UNK: variants seen among roughly 807,000 people sequenced by gnomAD.
UNK encodes unk zinc finger.
In UNK, 32 loss-of-function variants were observed where a neutral mutation model predicts 97.6. That is an observed-to-expected ratio of 0.33 (90% confidence interval 0.25 to 0.44). The LOEUF is 0.44. UNK is among the 20% of genes least tolerant of loss of function. UNK has a pLI of 1.00. For synonymous variants in UNK, 441 were observed against 461.2 expected, an observed-to-expected ratio of 0.96 and a Z score of 0.56; for missense variants, 771 against 1,098.4, an observed-to-expected ratio of 0.70 and a Z score of 4.21.
At chr17:75,813,631 G>A (rs1386230918) in intron 5 of UNK, 130 bp from the exon 6 acceptor site, 1 of 767,728 alleles carries the variant, frequency 1.3e-6, no homozygotes, top group Non-Finnish European at 2.1e-6. Flanking sequence ...GCACCAGCAA[G>A]GCCCTGACTC....
chr17:75,812,919 T>TC (rs1433718077), intron 4 of UNK, among the ~76,000 whole-genome samples, 159 bp from the exon 5 acceptor site: 3 of 152,224 alleles, frequency 2.0e-5, no homozygotes, highest in African/African-American at 7.2e-5. Context: ...CCTGGGGCTG[T>TC]CCCATGGCCT....
chr17:75,786,473 C>T, intron 1 of UNK, among the ~76,000 whole-genome samples: 1 of 152,186 alleles, frequency 6.6e-6, no homozygotes, highest in East Asian at 1.9e-4. Flanking sequence ...GAAAGGCTTT[C>T]TTATTTTGGA....
At position 75,818,614 on chromosome 17, in the gene UNK, G is replaced by A. The variant is rs2143812850; in HGVS notation, c.1372-28G>A. 1 of 1,565,442 alleles carries A rather than the reference G, an allele frequency of 6.4e-7. No homozygotes were observed. The highest frequency in any genetic ancestry group is 8.7e-7 in the Non-Finnish European group (1 of 1,152,654). The stretch of plus-strand genomic sequence containing the variant: ...GGCCTCCGTATGCAGGCCTACCATT[G>A]CTTCTCCTCTTCCCTCTCTCGTTGC... On this transcript the variant is annotated intron_variant, in intron 10 of 15. Transcript: ENST00000589666. The surrounding 1 kb of genome is among the most constrained non-coding windows in gnomAD (Gnocchi z 5.1).
In UNK at chr17:75,825,670, G is replaced by A. The variant is rs1455029330; in HGVS notation, c.*1253G>A. On this transcript the variant is annotated 3_prime_UTR_variant, in exon 16 of 16. Transcript: ENST00000589666. The surrounding 1 kb of genome is among the most constrained non-coding windows in gnomAD (Gnocchi z 4.4). ...AAGAGGGCTGAGAGGGTCTGGTCCT[G>A]GCCCAGGCTCCCCCTTGGGCTCAGC... 1 of 152,274 alleles carries A rather than the reference G, an allele frequency of 6.6e-6. No homozygotes were observed. The highest frequency in any genetic ancestry group is 1.5e-5 in the Non-Finnish European group (1 of 68,056). 9.4% of individuals were successfully genotyped at this position (152,274 alleles called of 1,614,324 possible).
Position 75,817,368 on chromosome 17 carries a change from T to C in UNK, c.1147T>C (p.Cys383Arg). ...NSSLGSPSNL[C>R]GSPPGSIRKP... ...CAGCCTAGGCAGCCCGTCTAACCTC[T>C]GCGGCTCCCCACCGGGCTCCATCAG... The change falls in exon 9 of 16, where the codon TGC (cysteine) becomes CGC (arginine). Residue 383 changes from cysteine to arginine, a missense_variant. Transcript: ENST00000589666. This position sits in a 1 kb window ranked among gnomAD's most constrained non-coding sequence, Gnocchi z 5.8. 1.2e-6 allele frequency: 2 copies of C among 1,609,312 alleles called. No individual in the cohort carries two copies. The highest frequency in any genetic ancestry group is 8.5e-7 in the Non-Finnish European group (1 of 1,177,476).
At position 75,810,415 on chromosome 17, in the gene UNK, G is replaced by A. The variant is rs567126689; in HGVS notation, c.314+446G>A. Among the ~76,000 whole-genome samples the A allele has an allele frequency of 1.7e-4, 26 of 150,764 alleles. No individual in the cohort carries two copies. The South Asian group carries it at 4.0e-3, about 23-fold the overall frequency. On this transcript the variant is annotated intron_variant, in intron 2 of 15. Transcript: ENST00000589666. The stretch of plus-strand genomic sequence containing the variant: ...GGGAGGTGCCACACCTGGGAGTGTC[G>A]CACTAATGACAGACATAGGGAGGTG...
chr17:75,784,922 G>A lies in UNK; in HGVS notation c.42G>A (p.Ser14=), dbSNP rs2061691631. 7.7e-6 allele frequency: 12 copies of A among 1,560,986 alleles called. No individual in the cohort carries two copies. In the East Asian group the frequency reaches 2.4e-4, roughly 31 times the overall value. The change falls in exon 1 of 16, where the codon TCG becomes TCA. Residue 14 remains serine, a synonymous_variant. Transcript: ENST00000589666. ...GPGPGGSAAS[S]APPAATAQVL... ...GGCCCGGCGGCTCCGCAGCTTCCTC[G>A]GCGCCCCCGGCCGCTACCGCTCAGG...
At chr17:75,788,496 C>CT (rs1567791883) in intron 1 of UNK, among the ~76,000 whole-genome samples, 1 of 151,592 alleles carries the variant, frequency 6.6e-6, no homozygotes, top group Non-Finnish European at 1.5e-5. Context: ...AATTTTTTAC[C>CT]TTTTTAAACT....
At chr17:75,804,251 C>T (rs2061889674) in intron 1 of UNK, among the ~76,000 whole-genome samples, 1 of 152,144 alleles carries the variant, frequency 6.6e-6, no homozygotes, top group African/African-American at 2.4e-5. Flanking sequence ...GTCAGGAGTT[C>T]AAGACCAGCC....
At chr17:75,821,931 T>C in intron 13 of UNK, 1 of 339,696 alleles carries the variant, frequency 2.9e-6, no homozygotes, top group Non-Finnish European at 5.8e-6. Context: ...ACAATTTGTG[T>C]GATTCTTGGT....
chr17:75,796,480 G>A lies in UNK; in HGVS notation c.104+11496G>A, dbSNP rs74606200. Reference sequence around the variant, plus strand: ...ACTGCAGGTGTTTACCACCATACCCGACTAATTTTTTATTTTTAAATTTGT... The same window carrying A: ...ACTGCAGGTGTTTACCACCATACCCAACTAATTTTTTATTTTTAAATTTGT... On this transcript the variant is annotated intron_variant, in intron 1 of 15. Transcript: ENST00000589666. Among the ~76,000 whole-genome samples the A allele has an allele frequency of 9.7e-3, 1,468 of 152,100 alleles. 12 individuals are homozygous for A. The highest frequency in any genetic ancestry group is 0.015 in the Non-Finnish European group (1,022 of 67,994).
intron 1 of UNK, among the ~76,000 whole-genome samples, chr17:75,803,392 A>G (rs532682807): frequency 6.6e-6 from 1 of 152,252 alleles, no homozygotes; most frequent in African/African-American, 2.4e-5. Flanking sequence ...ACAGAGCCAG[A>G]CATCATCAAA....
Position 75,818,225 on chromosome 17 carries a change from C to T in UNK, c.1371+57C>T. 1.3e-6 allele frequency: 2 copies of T among 1,593,386 alleles called. No homozygotes were observed. Among genetic ancestry groups the T allele is most frequent in the South Asian group, 1.1e-5 (1 of 90,090 alleles). ...TGCTGTGGACAGGAGTGGCCCAGAA[C>T]CCCAGGAGGCTTCGGGGAGTGGGAG... On this transcript the variant is annotated intron_variant, in intron 10 of 15. Transcript: ENST00000589666. This position sits in a 1 kb window ranked among gnomAD's most constrained non-coding sequence, Gnocchi z 5.1.
rs902165712 is a variant in UNK at position 75,825,521 on chromosome 17, T to A, written c.*1104T>A. The A allele has an allele frequency of 6.6e-6, 1 of 152,448 alleles. No individual in the cohort carries two copies. Among genetic ancestry groups the A allele is most frequent in the Non-Finnish European group, 1.5e-5 (1 of 68,080 alleles). The allele number at this position is 152,448 out of a possible 1,614,324, so 9.4% of individuals were successfully genotyped here. A position where few individuals can be genotyped will look rare whatever the true frequency, so the allele number is the denominator to read the frequency against. The stretch of plus-strand genomic sequence containing the variant: ...CGTGTGTGTGTGCCTGTCCAGTGTA[T>A]ATTGTGTCTTAGCTTCCATTTTAAA... On this transcript the variant is annotated 3_prime_UTR_variant, in exon 16 of 16. Transcript: ENST00000589666. This position sits in a 1 kb window ranked among gnomAD's most constrained non-coding sequence, Gnocchi z 4.4.
chr17:75,787,829 A>G (rs1389324499), intron 1 of UNK, among the ~76,000 whole-genome samples: 1 of 151,576 alleles, frequency 6.6e-6, no homozygotes. Flanking sequence ...GGTCCAAAAA[A>G]AAAAAAAAAG....
rs2062017597 is a variant in UNK at position 75,816,565 on chromosome 17, C to T, written c.962-205C>T. On this transcript the variant is annotated intron_variant, in intron 7 of 15. Transcript: ENST00000589666. The surrounding 1 kb of genome is among the most constrained non-coding windows in gnomAD (Gnocchi z 4.0). The stretch of plus-strand genomic sequence containing the variant: ...CCATATTACTGGTATCTTCTGGTCA[C>T]CATGAAGATTCACAATTACTGCAAA... Among the ~76,000 whole-genome samples the T allele has an allele frequency of 6.6e-6, 1 of 152,226 alleles. No homozygotes were observed. Among genetic ancestry groups the T allele is most frequent in the African/African-American group, 2.4e-5 (1 of 41,446 alleles).
intron 13 of UNK, 25 bp downstream of exon 13, chr17:75,820,133 G>T: frequency 6.3e-7 from 1 of 1,587,770 alleles, no homozygotes; most frequent in Non-Finnish European, 8.6e-7. Flanking sequence ...GGTTCACTCA[G>T]GAGAACTGGG....
intron 14 of UNK, 32 bp downstream of exon 14, chr17:75,822,690 A>C (rs370675905): frequency 4.5e-6 from 7 of 1,561,844 alleles, no homozygotes; most frequent in African/African-American, 2.7e-5. Context: ...GGCCTTCCCC[A>C]GTGCCAGGTG....
intron 1 of UNK, 158 bp downstream of exon 1, chr17:75,785,142 A>C: frequency 1.9e-6 from 1 of 516,266 alleles, no homozygotes; most frequent in Non-Finnish European, 3.4e-6. Flanking sequence ...GCCGGTCCCA[A>C]CTGCCTCCAA....
Sources: allele counts gnomAD v4.1 joint callset (sites outside exome capture counted in the v4.1 genomes callset), GRCh38; gene constraint gnomAD v4.1.1; non-coding constraint Gnocchi (gnomAD v3.1); transcripts MANE v1.5; gene names NCBI Gene and HGNC (gene_info 2026-07-23, HGNC 2026-07-21).